Variants in CDH18 observed in about 807,000 individuals in gnomAD.
The protein encoded by CDH18 is cadherin 18.
Under a neutral mutation model 67.9 loss-of-function variants are expected in CDH18, and 31 were observed. That is an observed-to-expected ratio of 0.46 (90% CI 0.34 to 0.62). CDH18 has a LOEUF of 0.62. Among genes scored for constraint, CDH18 ranks in the 20% least tolerant of loss-of-function variants. CDH18 has a pLI of 0.01. For synonymous variants in CDH18, 362 were observed against 347.2 expected (o/e 1.04, Z -0.48); for missense variants, 890 against 975.5 (o/e 0.91, Z 1.17).
intron 12 of CDH18, among the ~76,000 whole-genome samples, chr5:19,482,383 T>C (rs1739594450): frequency 6.6e-6 from 1 of 152,170 alleles, no homozygotes; most frequent in Non-Finnish European, 1.5e-5. Flanking sequence ...CCCAAAGTGC[T>C]GGGATTACAG....
chr5:20,308,430 C>T (rs577794501), intron 1 of CDH18, among the ~76,000 whole-genome samples: 4 of 151,590 alleles, frequency 2.6e-5, no homozygotes, highest in Admixed American at 2.6e-4. Flanking sequence ...GTACTCCCAG[C>T]TACTTGGGAG....
intron 2 of CDH18, among the ~76,000 whole-genome samples, chr5:20,093,946 C>A (rs981333359): frequency 1.1e-4 from 17 of 151,910 alleles, no homozygotes; most frequent in Non-Finnish European, 4.4e-5. Flanking sequence ...AATCCCATAC[C>A]CAATTCTCCA....
At chr5:19,528,258 A>G (rs765956255) in intron 9 of CDH18, among the ~76,000 whole-genome samples, 1 of 151,686 alleles carries the variant, frequency 6.6e-6, no homozygotes, top group Non-Finnish European at 1.5e-5. Flanking sequence ...TTATCTTTAT[A>G]GAGTATATAG....
chr5:19,911,169 T>G (rs1008098040), intron 2 of CDH18, among the ~76,000 whole-genome samples: 52 of 152,270 alleles, frequency 3.4e-4, no homozygotes, highest in Non-Finnish European at 1.0e-4. Flanking sequence ...TCAGCCTGAC[T>G]GTCTATTTTG....
At chr5:20,035,715 G>A (rs541844643) in intron 2 of CDH18, among the ~76,000 whole-genome samples, 155 of 152,108 alleles carry the variant, frequency 1.0e-3, no homozygotes, top group African/African-American at 3.5e-3. Context: ...TTCAAGATGA[G>A]ATTTGGGTAG....
chr5:20,450,868 A>T (rs1300299345), intron 1 of CDH18, among the ~76,000 whole-genome samples: 2 of 152,322 alleles, frequency 1.3e-5, no homozygotes, highest in East Asian at 3.9e-4. Flanking sequence ...AAGCCTCATA[A>T]TCATGGTGGA....
intron 2 of CDH18, among the ~76,000 whole-genome samples, chr5:19,955,990 C>G (rs1439721920): frequency 6.6e-6 from 1 of 151,890 alleles, no homozygotes; most frequent in Non-Finnish European, 1.5e-5. Context: ...TAGTTTCCCC[C>G]AAAGTATCAA....
intron 1 of CDH18, among the ~76,000 whole-genome samples, chr5:20,535,833 C>T (rs141164099): frequency 2.6e-5 from 4 of 152,252 alleles, no homozygotes; most frequent in Admixed American, 1.3e-4. Flanking sequence ...TTCTGTGCTG[C>T]ATCTCCTTCC....
intron 1 of CDH18, chr5:20,305,569 C>T (rs1428919205): frequency 1.3e-5 from 8 of 637,644 alleles, no homozygotes; most frequent in South Asian, 6.9e-5. Context: ...GGGCGCTCGG[C>T]CGCTTCCGGT....
At chr5:20,013,054 T>G (rs1328758734) in intron 2 of CDH18, among the ~76,000 whole-genome samples, 1 of 152,096 alleles carries the variant, frequency 6.6e-6, no homozygotes, top group Middle Eastern at 3.2e-3. Context: ...GCACATGTAC[T>G]GGTGAACTTA....
intron 5 of CDH18, among the ~76,000 whole-genome samples, chr5:19,632,278 CCAGT>C (rs1328092291): frequency 7.9e-5 from 12 of 152,192 alleles, no homozygotes; most frequent in African/African-American, 2.9e-4. Flanking sequence ...TTCCTCGCCC[CCAGT>C]CAGTGAATTC....
In CDH18 at chr5:20,052,426, G is replaced by A. The variant is rs1253367644; in HGVS notation, c.-517-60412C>T. ...ATGGGTACTAGCAGAAAATGGTTTG[G>A]GTGCAACCGATAGTCTTTGTTTAGT... is the stretch of plus-strand genomic sequence containing the variant. On this transcript the variant is annotated intron_variant, in intron 2 of 14. Coordinates refer to the CDH18 transcript ENST00000507958. Among the ~76,000 whole-genome samples, 3 of 151,884 alleles carry A rather than the reference G, an allele frequency of 2.0e-5. No homozygotes were observed. In the East Asian group the frequency reaches 5.8e-4, roughly 29 times the overall value.
intron 3 of CDH18, among the ~76,000 whole-genome samples, chr5:19,814,786 G>A (rs1779114266): frequency 6.6e-6 from 1 of 151,482 alleles, no homozygotes; most frequent in African/African-American, 2.4e-5. Context: ...AAAAAAAAAT[G>A]TTTCCAAATA....
intron 2 of CDH18, among the ~76,000 whole-genome samples, chr5:20,180,144 G>C (rs1370356920): frequency 1.3e-5 from 2 of 152,118 alleles, no homozygotes; most frequent in Non-Finnish European, 2.9e-5. Flanking sequence ...CAGTCAGGGA[G>C]GTTTCACATC....
intron 1 of CDH18, among the ~76,000 whole-genome samples, chr5:20,315,697 C>T (rs551420042): frequency 6.6e-6 from 1 of 152,242 alleles, no homozygotes; most frequent in African/African-American, 2.4e-5. Flanking sequence ...GTGCTTCTAA[C>T]ACTCATCCTC....
At chr5:20,353,810 A>AGTT (rs1741393761) in intron 1 of CDH18, among the ~76,000 whole-genome samples, 1 of 152,214 alleles carries the variant, frequency 6.6e-6, no homozygotes, top group Non-Finnish European at 1.5e-5. Flanking sequence ...GAGCCCCCAG[A>AGTT]GTTCCTGCAT....
intron 2 of CDH18, among the ~76,000 whole-genome samples, chr5:20,113,344 C>T (rs1747635893): frequency 1.2e-4 from 18 of 152,120 alleles, no homozygotes; most frequent in Admixed American, 1.2e-3. Flanking sequence ...TAGTCTTTTT[C>T]TTGTTATTTG....
At chr5:19,864,635 C>G (rs141038192) in intron 2 of CDH18, among the ~76,000 whole-genome samples, 3 of 152,262 alleles carry the variant, frequency 2.0e-5, no homozygotes, top group African/African-American at 7.2e-5. Flanking sequence ...GAATCCCATG[C>G]GATCATCCTG....
intron 1 of CDH18, among the ~76,000 whole-genome samples, chr5:20,500,786 T>C (rs530204914): frequency 2.0e-5 from 3 of 152,302 alleles, no homozygotes; most frequent in African/African-American, 7.2e-5. Flanking sequence ...TGTTGACATA[T>C]AATTCCAAGG....
Sources: gnomAD v4.1 joint callset for allele counts (sites outside exome capture counted in the v4.1 genomes callset) on GRCh38, gnomAD v4.1.1 for gene constraint, MANE v1.5 for transcripts, NCBI Gene and HGNC (gene_info 2026-07-23, HGNC 2026-07-21) for gene names.